TTC28: variants seen among roughly 807,000 people sequenced by gnomAD.
The protein encoded by TTC28 is tetratricopeptide repeat protein 28.
In TTC28, 61 loss-of-function variants were observed where a neutral mutation model predicts 198.0. The ratio of observed to expected loss-of-function variants is 0.31; its 90% CI spans 0.25 to 0.38. The LOEUF (loss-of-function observed/expected upper bound fraction) is 0.38. Ranked by LOEUF, TTC28 falls within the 10% of genes least tolerant of loss-of-function variation. The pLI is 1.00. For synonymous variants in TTC28, 1,171 were observed against 1,297.8 expected, an observed-to-expected ratio of 0.90 and a Z score of 2.10; for missense variants, 2,678 against 3,164.0, an observed-to-expected ratio of 0.85 and a Z score of 3.69.
chr22:28,459,594 T>A (rs1291491904), intron 2 of TTC28, among the ~76,000 whole-genome samples: 1 of 152,222 alleles, frequency 6.6e-6, no homozygotes, highest in Non-Finnish European at 1.5e-5. Context: ...TTCTTAATTT[T>A]CGCAGAAAGC....
chr22:28,537,047 A>T (rs1198324458), intron 2 of TTC28, among the ~76,000 whole-genome samples: 1 of 151,568 alleles, frequency 6.6e-6, no homozygotes, highest in Non-Finnish European at 1.5e-5. Flanking sequence ...TAATCCCAGC[A>T]CTTCGGGAGG....
At chr22:28,619,445 T>C (rs1320302661) in intron 2 of TTC28, among the ~76,000 whole-genome samples, 1 of 152,176 alleles carries the variant, frequency 6.6e-6, no homozygotes, top group African/African-American at 2.4e-5. Flanking sequence ...ATTATGCCAA[T>C]ATACATGAAT....
intron 6 of TTC28, among the ~76,000 whole-genome samples, chr22:28,141,903 C>T (rs193071580): frequency 1.7e-3 from 257 of 152,278 alleles, no homozygotes; most frequent in Non-Finnish European, 2.0e-3. Context: ...TCATTTATTA[C>T]ACCAAAAGAG....
intron 2 of TTC28, among the ~76,000 whole-genome samples, chr22:28,378,345 C>CAAA (rs134525): frequency 6.6e-5 from 5 of 75,922 alleles, no homozygotes; most frequent in East Asian, 4.1e-4. Flanking sequence ...GACTCTGTCT[C>CAAA]AAAAAAAAAA....
At chr22:28,029,311 A>G (rs1938976188) in intron 13 of TTC28, among the ~76,000 whole-genome samples, 1 of 152,126 alleles carries the variant, frequency 6.6e-6, no homozygotes, top group Admixed American at 6.5e-5. Context: ...CAGCACAATA[A>G]TGAGAGGAAA....
intron 2 of TTC28, among the ~76,000 whole-genome samples, chr22:28,554,024 T>A (rs2049746399): frequency 6.6e-6 from 1 of 152,106 alleles, no homozygotes; most frequent in Admixed American, 6.5e-5. Context: ...TTTTGTTCTG[T>A]ACTAAGAAAA....
chr22:28,285,942 C>T (rs1354367170), intron 5 of TTC28, among the ~76,000 whole-genome samples: 2 of 151,982 alleles, frequency 1.3e-5, no homozygotes, highest in African/African-American at 2.4e-5. Flanking sequence ...TACTAGTACA[C>T]AGTACAAAAC....
chr22:28,669,672 A>G (rs986010093), intron 1 of TTC28, among the ~76,000 whole-genome samples: 24 of 152,298 alleles, frequency 1.6e-4, no homozygotes, highest in African/African-American at 5.3e-4. Context: ...ATGTTAAGTT[A>G]CTTATAATCC....
intron 5 of TTC28, among the ~76,000 whole-genome samples, chr22:28,244,925 TAGA>T (rs1929968529): frequency 6.6e-6 from 1 of 152,162 alleles, no homozygotes; most frequent in African/African-American, 2.4e-5. Flanking sequence ...CACATACACC[TAGA>T]AGGAGGTCTA....
intron 5 of TTC28, among the ~76,000 whole-genome samples, chr22:28,165,617 C>G (rs1921838704): frequency 6.6e-6 from 1 of 152,100 alleles, no homozygotes; most frequent in Admixed American, 6.5e-5. Context: ...CCTTTACAGA[C>G]AAGTAAATGT....
At chr22:28,039,602 T>C (rs1172855639) in intron 12 of TTC28, among the ~76,000 whole-genome samples, 3 of 152,112 alleles carry the variant, frequency 2.0e-5, no homozygotes, top group Non-Finnish European at 4.4e-5. Flanking sequence ...CACACCAACA[T>C]GGCACATGTA....
At chr22:28,406,929 G>T (rs1192521955) in intron 2 of TTC28, among the ~76,000 whole-genome samples, 1 of 152,108 alleles carries the variant, frequency 6.6e-6, no homozygotes, top group Non-Finnish European at 1.5e-5. Flanking sequence ...AACTTTACTG[G>T]ACCAATTTTG....
intron 2 of TTC28, among the ~76,000 whole-genome samples, chr22:28,306,930 A>T (rs2045158474): frequency 6.6e-6 from 1 of 152,308 alleles, no homozygotes; most frequent in East Asian, 1.9e-4. Flanking sequence ...GAAGTATTTT[A>T]AAAATATTTC....
chr22:28,302,728 G>A (rs2145797694), intron 3 of TTC28, among the ~76,000 whole-genome samples: 1 of 152,222 alleles, frequency 6.6e-6, no homozygotes, highest in East Asian at 1.9e-4. Flanking sequence ...GGGCTGGTGT[G>A]CAGGGACACG....
chr22:28,081,170 CA>C, intron 12 of TTC28, among the ~76,000 whole-genome samples: 1 of 151,498 alleles, frequency 6.6e-6, no homozygotes, highest in Non-Finnish European at 1.5e-5. Context: ...CACACACACA[CA>C]CACACATATT....
chr22:28,089,431 G>A (rs540410651), intron 12 of TTC28, among the ~76,000 whole-genome samples: 36 of 150,062 alleles, frequency 2.4e-4, no homozygotes, highest in Non-Finnish European at 4.3e-4. Context: ...AGCAAACACC[G>A]CATATTCTCA....
intron 5 of TTC28, among the ~76,000 whole-genome samples, chr22:28,214,456 C>A (rs1927208379): frequency 6.6e-6 from 1 of 152,156 alleles, no homozygotes; most frequent in South Asian, 2.1e-4. Context: ...ACAACCTCAT[C>A]AAAAAGTGGG....
At chr22:28,523,665 G>C (rs1490646540) in intron 2 of TTC28, among the ~76,000 whole-genome samples, 1 of 152,074 alleles carries the variant, frequency 6.6e-6, no homozygotes, top group Non-Finnish European at 1.5e-5. Flanking sequence ...TTATAAACAA[G>C]GACACAGACT....
intron 17 of TTC28, among the ~76,000 whole-genome samples, chr22:27,993,903 C>T (rs977069747): frequency 1.3e-5 from 2 of 152,228 alleles, no homozygotes; most frequent in Admixed American, 1.3e-4. Context: ...GGAACCCCCT[C>T]ACTGCCCACA....
Sources: gnomAD v4.1 joint callset for allele counts (sites outside exome capture counted in the v4.1 genomes callset) on GRCh38, gnomAD v4.1.1 for gene constraint, MANE v1.5 for transcripts, NCBI Gene and HGNC (gene_info 2026-07-23, HGNC 2026-07-21) for gene names.